DCC: variants seen among roughly 807,000 people sequenced by gnomAD.
DCC encodes netrin receptor DCC.
A neutral mutation model predicts 172.5 loss-of-function variants in DCC; 58 were observed. The ratio of observed to expected loss-of-function variants is 0.34; its 90% CI spans 0.27 to 0.42. The LOEUF (loss-of-function observed/expected upper bound fraction) is 0.42, where lower values mean the gene tolerates loss of function less well. Ranked by LOEUF, DCC falls within the 10% of genes least tolerant of loss-of-function variation. DCC has a pLI of 1.00. For missense variants in DCC, 1,740 were observed against 1,791.0 expected (o/e 0.97, Z 0.51); for synonymous variants, 709 against 644.5 (o/e 1.10, Z -1.52).
chr18:53,004,033 T>A (rs2041607726), intron 5 of DCC, among the ~76,000 whole-genome samples: 1 of 152,210 alleles, frequency 6.6e-6, no homozygotes, highest in Non-Finnish European at 1.5e-5. Context: ...TTAACCTCAT[T>A]GAATGCCAGT....
chr18:52,739,721 A>C (rs2036787745), intron 1 of DCC, among the ~76,000 whole-genome samples: 1 of 152,244 alleles, frequency 6.6e-6, no homozygotes, highest in South Asian at 2.1e-4. Context: ...ACCATGTCAG[A>C]GGCCATGTGA....
intron 22 of DCC, among the ~76,000 whole-genome samples, chr18:53,448,795 G>A (rs569303800): frequency 6.6e-6 from 1 of 152,296 alleles, no homozygotes; most frequent in African/African-American, 2.4e-5. Context: ...AGAGGTTGTC[G>A]TGAGCCGAGA....
At chr18:52,641,612 A>G (rs1438854556) in intron 1 of DCC, among the ~76,000 whole-genome samples, 3 of 152,222 alleles carry the variant, frequency 2.0e-5, no homozygotes. Flanking sequence ...CATATGAAAA[A>G]AAGGCTCACT....
chr18:52,630,967 C>A (rs945637589), intron 1 of DCC, among the ~76,000 whole-genome samples: 2 of 152,116 alleles, frequency 1.3e-5, no homozygotes, highest in Non-Finnish European at 2.9e-5. Flanking sequence ...GGCTAGCTGT[C>A]CATTTTCAAT....
intron 9 of DCC, among the ~76,000 whole-genome samples, chr18:53,190,942 CT>C (rs1398065650): frequency 6.6e-6 from 1 of 152,222 alleles, no homozygotes; most frequent in East Asian, 1.9e-4. Context: ...CGGACTCCGT[CT>C]TAAGAAACAA....
intron 7 of DCC, among the ~76,000 whole-genome samples, chr18:53,109,790 C>CT (rs1211924018): frequency 6.6e-6 from 1 of 151,186 alleles, no homozygotes; most frequent in African/African-American, 2.4e-5. Context: ...AAATGTTGTC[C>CT]TTTTTTTTCC....
chr18:52,878,111 T>C (rs1008795677), intron 2 of DCC, among the ~76,000 whole-genome samples: 1 of 152,050 alleles, frequency 6.6e-6, no homozygotes, highest in Non-Finnish European at 1.5e-5. Context: ...CCATATTTCC[T>C]AACGTTCCTC....
At chr18:53,462,282 G>C (rs1339242456) in intron 24 of DCC, among the ~76,000 whole-genome samples, 1 of 152,094 alleles carries the variant, frequency 6.6e-6, no homozygotes, top group Non-Finnish European at 1.5e-5. Flanking sequence ...AAAGAGCAAA[G>C]CTTCATATGT....
At chr18:52,999,533 C>T (rs1034176204) in intron 5 of DCC, among the ~76,000 whole-genome samples, 23 of 152,104 alleles carry the variant, frequency 1.5e-4, no homozygotes, top group Admixed American at 1.4e-3. Flanking sequence ...TGAATTTGGG[C>T]TTTAATAAAA....
intron 1 of DCC, among the ~76,000 whole-genome samples, chr18:52,545,918 C>T (rs1346267196): frequency 6.6e-6 from 1 of 152,154 alleles, no homozygotes; most frequent in Non-Finnish European, 1.5e-5. Flanking sequence ...ACAACTTTTC[C>T]AATTTTATAT....
intron 13 of DCC, among the ~76,000 whole-genome samples, chr18:53,307,151 A>G (rs1209594074): frequency 6.6e-6 from 1 of 152,166 alleles, no homozygotes; most frequent in Admixed American, 6.6e-5. Context: ...ATTTTAGCAT[A>G]ATGGCCAGAG....
chr18:52,342,641 G>C (rs181676234), intron 1 of DCC, among the ~76,000 whole-genome samples: 1 of 152,190 alleles, frequency 6.6e-6, no homozygotes, highest in East Asian at 1.9e-4. Context: ...AGTTCAGGGG[G>C]CATCCCTTAC....
Position 52,398,829 on chromosome 18 carries a change from A to G in DCC, c.91+57951A>G, listed in dbSNP as rs375838143. Reference sequence around the variant, plus strand: ...GCCCATTTATTTTCTTCATATGTACATAAGGGATGTCCTTTTCTAATTAGG... The same window carrying G: ...GCCCATTTATTTTCTTCATATGTACGTAAGGGATGTCCTTTTCTAATTAGG... On this transcript the variant is annotated intron_variant, in intron 1 of 28. Coordinates refer to ENST00000442544, the MANE Select transcript of DCC (RefSeq NM_005215.4). Among the ~76,000 whole-genome samples the G allele has an allele frequency of 9.2e-5, 14 of 152,056 alleles. 1 individual carries two copies. In the East Asian group the frequency reaches 1.2e-3, roughly 13 times the overall value.
chr18:52,849,830 T>C (rs2038948294), intron 2 of DCC, among the ~76,000 whole-genome samples: 2 of 152,182 alleles, frequency 1.3e-5, no homozygotes, highest in Non-Finnish European at 2.9e-5. Context: ...AGTGTTCACA[T>C]TTAGGAGGCT....
chr18:53,060,965 C>A (rs2042487290), intron 5 of DCC, among the ~76,000 whole-genome samples: 1 of 152,080 alleles, frequency 6.6e-6, no homozygotes, highest in Non-Finnish European at 1.5e-5. Flanking sequence ...AGGCTACATA[C>A]ATACACATAA....
intron 2 of DCC, among the ~76,000 whole-genome samples, chr18:52,792,330 C>A (rs1195579720): frequency 4.6e-5 from 7 of 152,140 alleles, no homozygotes; most frequent in Non-Finnish European, 1.0e-4. Context: ...CTACACATTG[C>A]ATACATAGAG....
At chr18:53,280,721 G>A (rs899588134) in intron 12 of DCC, among the ~76,000 whole-genome samples, 1 of 151,976 alleles carries the variant, frequency 6.6e-6, no homozygotes, top group African/African-American at 2.4e-5. Flanking sequence ...GGTTCTGAAT[G>A]TAACCACTAT....
intron 5 of DCC, among the ~76,000 whole-genome samples, chr18:52,948,702 G>C (rs1457706439): frequency 6.6e-6 from 1 of 152,172 alleles, no homozygotes; most frequent in Non-Finnish European, 1.5e-5. Flanking sequence ...CTATGTTTCA[G>C]CTGCTGTGTA....
intron 22 of DCC, among the ~76,000 whole-genome samples, chr18:53,441,970 A>G (rs567186332): frequency 6.6e-6 from 1 of 152,340 alleles, no homozygotes; most frequent in South Asian, 2.1e-4. Context: ...TTCCAGGCAC[A>G]TGGGCTGCTC....
Sources: allele counts gnomAD v4.1 joint callset (sites outside exome capture counted in the v4.1 genomes callset), GRCh38; gene constraint gnomAD v4.1.1; transcripts MANE v1.5; gene names NCBI Gene and HGNC (gene_info 2026-07-23, HGNC 2026-07-21).